TOMM20L: variants seen among roughly 807,000 people sequenced by gnomAD.
TOMM20L encodes the protein TOMM20-like protein 1.
Under a neutral mutation model 20.4 loss-of-function variants are expected in TOMM20L, and 19 were observed. The ratio of observed to expected loss-of-function variants is 0.93; its 90% CI spans 0.65 to 1.36. TOMM20L has a LOEUF of 1.36. Ranked by LOEUF, TOMM20L falls within the 40% of genes most tolerant of loss-of-function variation. TOMM20L has a pLI of 0.00. For missense variants in TOMM20L, 218 were observed against 203.7 expected, an observed-to-expected ratio of 1.07 and a Z score of -0.43; for synonymous variants, 75 against 79.6, an observed-to-expected ratio of 0.94 and a Z score of 0.30.
the TOMM20L span, among the ~76,000 whole-genome samples, chr14:58,415,028 G>A: frequency 6.6e-6 from 1 of 152,262 alleles, no homozygotes; most frequent in South Asian, 2.1e-4. Flanking sequence ...GAGGCCACAT[G>A]GGGAGAGTAA....
chr14:58,396,462 A>G (rs1417430050), intron 2 of TOMM20L, 121 bp downstream of exon 2: 1 of 1,088,760 alleles, frequency 9.2e-7, no homozygotes, highest in East Asian at 2.7e-5. Flanking sequence ...CGTGCCCGGG[A>G]AGAGGCCTGC....
the TOMM20L span, among the ~76,000 whole-genome samples, chr14:58,416,179 G>A: frequency 6.6e-6 from 1 of 152,078 alleles, no homozygotes; most frequent in South Asian, 2.1e-4. Context: ...AGTGAGCCAA[G>A]ATCATGTCAG....
At chr14:58,407,579 A>G (rs2036080900) in intron 4 of TOMM20L, 111 bp downstream of exon 4, 2 of 1,236,744 alleles carry the variant, frequency 1.6e-6, no homozygotes, top group Non-Finnish European at 2.2e-6. Flanking sequence ...AATCTTAAAT[A>G]AGTGAAATCT....
chr14:58,416,918 G>A, the TOMM20L span, among the ~76,000 whole-genome samples: 4 of 152,126 alleles, frequency 2.6e-5, no homozygotes, highest in African/African-American at 9.7e-5. Flanking sequence ...GACCAGCCTG[G>A]GTGATATGGT....
downstream of TOMM20L, chr14:58,410,979 A>G (rs1291723068): frequency 2.1e-6 from 3 of 1,412,640 alleles, no homozygotes; most frequent in African/African-American, 4.3e-5. Context: ...TTGGTTTTTA[A>G]AACAAAGATG....
intron 3 of TOMM20L, among the ~76,000 whole-genome samples, chr14:58,405,333 GGAAA>G (rs1316926903): frequency 2.6e-5 from 4 of 151,940 alleles, no homozygotes; most frequent in Non-Finnish European, 4.4e-5. Flanking sequence ...TCAAATTGTG[GGAAA>G]GAAAGTTCTG....
intron 3 of TOMM20L, among the ~76,000 whole-genome samples, chr14:58,404,516 G>GT (rs1409850140): frequency 1.0e-3 from 146 of 145,528 alleles, no homozygotes; most frequent in East Asian, 2.4e-3. Context: ...TTTTCAAAAG[G>GT]TTTTTTTTTT....
At position 58,397,899 on chromosome 14, in the gene TOMM20L, G is replaced by A. The variant is rs557968907; in HGVS notation, c.180+1558G>A. ...GGATTGGAAAAGAAAACAAGCTATT[G>A]CAGCAATTTAGTTGAGAGGTAATAA... is the stretch of plus-strand genomic sequence containing the variant. On this transcript the variant is annotated intron_variant, in intron 2 of 4. Coordinates refer to ENST00000360945, the MANE Select transcript of TOMM20L (RefSeq NM_207377.3). Among the ~76,000 whole-genome samples the A allele has an allele frequency of 1.5e-4, 23 of 152,294 alleles. No individual in the cohort carries two copies. The South Asian group carries it at 2.5e-3, about 16-fold the overall frequency.
downstream of TOMM20L, among the ~76,000 whole-genome samples, chr14:58,413,185 T>C (rs2140318415): frequency 6.6e-6 from 1 of 152,320 alleles, no homozygotes; most frequent in Non-Finnish European, 1.5e-5. Flanking sequence ...ATTTGAATGC[T>C]AAATTTTCAT....
intron 2 of TOMM20L, among the ~76,000 whole-genome samples, chr14:58,401,663 G>T (rs112826911): frequency 1.6e-3 from 238 of 152,094 alleles, no homozygotes; most frequent in African/African-American, 5.6e-3. Flanking sequence ...TTACAGATTT[G>T]AAACACTGGA....
chr14:58,404,099 G>GTGTGTATATATATATATATA (rs1408980666), intron 3 of TOMM20L, among the ~76,000 whole-genome samples: 922 of 22,894 alleles, frequency 0.04, 295 homozygotes, highest in Non-Finnish European at 0.05. Flanking sequence ...ACATATATAT[G>GTGTGTATATATATATATATA]TATATATATA....
Position 58,395,973 on chromosome 14 carries a change from T to A in TOMM20L, c.16T>A (p.Ser6Thr). The A allele has an allele frequency of 6.9e-7, 1 of 1,447,676 alleles. No individual in the cohort carries two copies. The highest frequency in any genetic ancestry group is 9.1e-7 in the Non-Finnish European group (1 of 1,093,002). 89.7% of individuals were successfully genotyped at this position (1,447,676 alleles called of 1,614,324 possible). ...CCGCGGTCGGATGCCCTCCGTCCGCTCCCTCCTCCGCCTCTTGGCCGCCGC... is the reference window on the plus strand; with the variant it reads ...CCGCGGTCGGATGCCCTCCGTCCGCACCCTCCTCCGCCTCTTGGCCGCCGC... Reference protein sequence around the residue: MPSVRSLLRLLAAAAA... With the variant: MPSVRTLLRLLAAAAA... Residue 6 changes from serine to threonine, a missense_variant, in exon 1 of 5, where the codon TCC (serine) becomes ACC (threonine). Ser to Thr is a moderately conservative substitution (Grantham distance 58). Transcript: ENST00000360945.
chr14:58,409,331 C>T (rs2036134116), downstream of TOMM20L, among the ~76,000 whole-genome samples: 1 of 152,138 alleles, frequency 6.6e-6, no homozygotes, highest in Non-Finnish European at 1.5e-5. Flanking sequence ...TTAATTGATA[C>T]TTTCATTCAC....
chr14:58,405,746 C>T (rs1267693038), intron 3 of TOMM20L, among the ~76,000 whole-genome samples: 1 of 152,160 alleles, frequency 6.6e-6, no homozygotes, highest in Non-Finnish European at 1.5e-5. Flanking sequence ...TCAAGTGATT[C>T]GCCCTCCTCA....
downstream of TOMM20L, among the ~76,000 whole-genome samples, chr14:58,411,650 T>G (rs548569884): frequency 2.8e-4 from 42 of 151,986 alleles, no homozygotes; most frequent in East Asian, 6.7e-3. Context: ...GCAATTCCTG[T>G]GCCTCAGCCT....
chr14:58,415,295 G>A, the TOMM20L span, among the ~76,000 whole-genome samples: 4 of 152,086 alleles, frequency 2.6e-5, no homozygotes, highest in Non-Finnish European at 4.4e-5. Flanking sequence ...TGATATGCAA[G>A]ATGTCCAGGC....
At chr14:58,412,624 G>A (rs1273106543), downstream of TOMM20L, among the ~76,000 whole-genome samples, 1 of 152,088 alleles carries the variant, frequency 6.6e-6, no homozygotes, top group Non-Finnish European at 1.5e-5. Context: ...AAAAAAGCTG[G>A]GTGTGGTGGC....
intron 3 of TOMM20L, among the ~76,000 whole-genome samples, chr14:58,405,403 C>A (rs1286930492): frequency 6.6e-6 from 1 of 152,150 alleles, no homozygotes; most frequent in African/African-American, 2.4e-5. Flanking sequence ...CATTTTATTC[C>A]TATTCACTGT....
the TOMM20L span, among the ~76,000 whole-genome samples, chr14:58,414,790 C>T: frequency 2.0e-5 from 3 of 150,218 alleles, no homozygotes; most frequent in African/African-American, 7.3e-5. Context: ...TAACTACTGA[C>T]ATTTAAAAAA....
Sources: gnomAD v4.1 joint callset for allele counts (sites outside exome capture counted in the v4.1 genomes callset) on GRCh38, gnomAD v4.1.1 for gene constraint, MANE v1.5 for transcripts, NCBI Gene and HGNC (gene_info 2026-07-23, HGNC 2026-07-21) for gene names.